C13orf46: variants seen among roughly 807,000 people sequenced by gnomAD.
C13orf46 encodes the protein uncharacterized protein C13orf46.
chr13:113,961,536 T>C (rs1461757184), intron 6 of C13orf46, among the ~76,000 whole-genome samples: 3 of 146,220 alleles, frequency 2.1e-5, no homozygotes, highest in Non-Finnish European at 3.1e-5. Flanking sequence ...TGTTCTAAGG[T>C]TTTGCATCTG....
At chr13:113,936,396 C>T in the C13orf46 span, among the ~76,000 whole-genome samples, 287 of 152,270 alleles carry the variant, frequency 1.9e-3, 5 homozygotes, top group South Asian at 0.013. Context: ...AAATCCTGGC[C>T]GCCTTCCCTT....
At chr13:113,946,570 T>G in the C13orf46 span, among the ~76,000 whole-genome samples, 1 of 152,288 alleles carries the variant, frequency 6.6e-6, no homozygotes, top group East Asian at 1.9e-4. Context: ...AATATCCCAG[T>G]GTGCTGTGGG....
chr13:113,960,213 G>A (rs1333198931), intron 6 of C13orf46, among the ~76,000 whole-genome samples: 4 of 151,890 alleles, frequency 2.6e-5, no homozygotes, highest in Admixed American at 1.3e-4. Flanking sequence ...CTGAGATCGT[G>A]CCACTGCACT....
At chr13:113,973,467 G>C (rs1466325083) in intron 1 of C13orf46, among the ~76,000 whole-genome samples, 1 of 152,162 alleles carries the variant, frequency 6.6e-6, no homozygotes, top group East Asian at 1.9e-4. Flanking sequence ...TGTGTTCAGT[G>C]AAAGGCTGAT....
At chr13:113,942,329 C>T in the C13orf46 span, among the ~76,000 whole-genome samples, 15 of 152,230 alleles carry the variant, frequency 9.9e-5, no homozygotes, top group African/African-American at 3.1e-4. Context: ...AACAGAAAAT[C>T]ACCACGAGTC....
chr13:113,928,185 G>C, the C13orf46 span: 5,572 of 152,398 alleles, frequency 0.037, 279 homozygotes, highest in African/African-American at 0.11. Flanking sequence ...CCCAGGAGCC[G>C]CGGCCCCTGC....
chr13:113,957,930 CTGTA>C (rs1418825032), intron 6 of C13orf46, among the ~76,000 whole-genome samples: 3 of 143,408 alleles, frequency 2.1e-5, no homozygotes, highest in South Asian at 4.6e-4. Context: ...CCCCTGCACT[CTGTA>C]TGCACCCCCT....
chr13:113,952,382 C>T (rs1205753871), downstream of C13orf46, among the ~76,000 whole-genome samples: 1 of 151,756 alleles, frequency 6.6e-6, no homozygotes, highest in African/African-American at 2.4e-5. Flanking sequence ...GTGGCTGCCG[C>T]TCCCGCCTGC....
chr13:113,945,615 A>AG, the C13orf46 span, among the ~76,000 whole-genome samples: 2 of 109,394 alleles, frequency 1.8e-5, no homozygotes, highest in African/African-American at 3.4e-5. Context: ...GAAGAAAGAA[A>AG]GAAAGAAAGA....
chr13:113,951,814 C>T (rs2052489947), downstream of C13orf46, among the ~76,000 whole-genome samples: 1 of 152,232 alleles, frequency 6.6e-6, no homozygotes, highest in Non-Finnish European at 1.5e-5. Flanking sequence ...TCTACGACGC[C>T]CAGAGGGAAC....
chr13:113,951,467 A>G (rs1216987009), downstream of C13orf46, among the ~76,000 whole-genome samples: 2 of 148,850 alleles, frequency 1.3e-5, no homozygotes, highest in Non-Finnish European at 3.0e-5. Flanking sequence ...TGCCAGCACC[A>G]CTCCCCCCCG....
chr13:113,965,027 G>C (rs896140423), intron 5 of C13orf46, 33 bp from the exon 6 acceptor site: 9 of 152,298 alleles, frequency 5.9e-5, no homozygotes, highest in African/African-American at 2.2e-4. Context: ...AGGGATGGGA[G>C]GTGTCAGCCA....
chr13:113,968,290 A>C (rs981359403), intron 4 of C13orf46, among the ~76,000 whole-genome samples, 177 bp downstream of exon 4: 5 of 152,180 alleles, frequency 3.3e-5, no homozygotes, highest in African/African-American at 1.2e-4. Flanking sequence ...AAAGAGTCTC[A>C]GAGCTTGGCC....
At chr13:113,953,190 G>T (rs1045010227), downstream of C13orf46, among the ~76,000 whole-genome samples, 7 of 152,190 alleles carry the variant, frequency 4.6e-5, no homozygotes, top group African/African-American at 1.4e-4. Context: ...TGAACAGCTC[G>T]CTCGGGACCT....
At chr13:113,973,201 T>C (rs1289949754) in intron 1 of C13orf46, among the ~76,000 whole-genome samples, 2 of 152,180 alleles carry the variant, frequency 1.3e-5, no homozygotes, top group Non-Finnish European at 2.9e-5. Context: ...TCCCTCATCA[T>C]TCACCCACGA....
intron 6 of C13orf46, among the ~76,000 whole-genome samples, chr13:113,963,406 C>CG (rs1374174900): frequency 7.4e-6 from 1 of 135,072 alleles, no homozygotes. Context: ...TCCTCAGCCT[C>CG]GCCCCTGTCC....
chr13:113,930,502 C>T, the C13orf46 span, among the ~76,000 whole-genome samples: 1 of 152,310 alleles, frequency 6.6e-6, no homozygotes. Flanking sequence ...GGCAAGGTGC[C>T]TCCTGGTGTG....
chr13:113,942,840 C>G, the C13orf46 span, among the ~76,000 whole-genome samples: 13 of 152,324 alleles, frequency 8.5e-5, no homozygotes, highest in East Asian at 2.5e-3. Flanking sequence ...CTGGCGTCTC[C>G]TTGGACTCCC....
intron 1 of C13orf46, chr13:113,970,423 G>T (rs909005001): frequency 1.3e-5 from 2 of 152,354 alleles, no homozygotes; most frequent in Admixed American, 6.5e-5. Context: ...CTGGTGCCAG[G>T]GCCTTGAGCC....
Sources: allele counts gnomAD v4.1 joint callset (sites outside exome capture counted in the v4.1 genomes callset), GRCh38; gene constraint gnomAD v4.1.1; transcripts MANE v1.5; gene names NCBI Gene and HGNC (gene_info 2026-07-23, HGNC 2026-07-21).